EXOC6B: variants seen among roughly 807,000 people sequenced by gnomAD.
EXOC6B encodes SEC15 homolog B.
In EXOC6B, 54 loss-of-function variants were observed where a neutral mutation model predicts 113.5. The ratio of observed to expected loss-of-function variants is 0.48; its 90% confidence interval spans 0.38 to 0.60. The LOEUF is 0.60. Among genes scored for constraint, EXOC6B ranks in the 20% least tolerant of loss-of-function variants. The pLI, the probability that EXOC6B is intolerant of heterozygous loss-of-function variation, is 0.00. For synonymous variants in EXOC6B, 357 were observed against 339.0 expected (o/e 1.05, Z -0.58); for missense variants, 797 against 977.5 (o/e 0.82, Z 2.46).
intron 20 of EXOC6B, among the ~76,000 whole-genome samples, chr2:72,281,264 T>C (rs1558517956): frequency 6.6e-6 from 1 of 152,082 alleles, no homozygotes. Context: ...ATAGAATGAA[T>C]CTCTCTAGAA....
intron 20 of EXOC6B, among the ~76,000 whole-genome samples, chr2:72,255,600 C>G (rs1357581055): frequency 6.6e-6 from 1 of 152,180 alleles, no homozygotes; most frequent in Non-Finnish European, 1.5e-5. Flanking sequence ...ATGAAAATGT[C>G]TATTGTATCC....
At chr2:72,292,913 A>C (rs1421432516) in intron 20 of EXOC6B, among the ~76,000 whole-genome samples, 1 of 152,078 alleles carries the variant, frequency 6.6e-6, no homozygotes, top group African/African-American at 2.4e-5. Flanking sequence ...GATGGGCCAC[A>C]GTTTGTTTAT....
At chr2:72,209,516 A>G (rs1243574724) in intron 20 of EXOC6B, among the ~76,000 whole-genome samples, 2 of 152,090 alleles carry the variant, frequency 1.3e-5, no homozygotes, top group African/African-American at 4.8e-5. Context: ...CTTGTCTCCA[A>G]AAATTTTTTT....
At chr2:72,238,947 G>A (rs902621224) in intron 20 of EXOC6B, among the ~76,000 whole-genome samples, 6 of 152,140 alleles carry the variant, frequency 3.9e-5, no homozygotes, top group Non-Finnish European at 8.8e-5. Context: ...TGCCCCGGCT[G>A]GAGTGCAGTG....
At chr2:72,639,064 G>A (rs1673050321) in intron 6 of EXOC6B, among the ~76,000 whole-genome samples, 1 of 152,130 alleles carries the variant, frequency 6.6e-6, no homozygotes. Flanking sequence ...CTATCTCACA[G>A]TCTCCCTCCC....
At chr2:72,256,311 T>A (rs1278157704) in intron 20 of EXOC6B, among the ~76,000 whole-genome samples, 1 of 152,186 alleles carries the variant, frequency 6.6e-6, no homozygotes, top group East Asian at 1.9e-4. Flanking sequence ...TATGGGTAAT[T>A]TGTTATGGCA....
chr2:72,523,490 G>C (rs1701593650), intron 8 of EXOC6B, among the ~76,000 whole-genome samples: 1 of 151,930 alleles, frequency 6.6e-6, no homozygotes, highest in Non-Finnish European at 1.5e-5. Context: ...TCTTCATTAA[G>C]ATTTACGGCT....
intron 6 of EXOC6B, among the ~76,000 whole-genome samples, chr2:72,609,247 T>C (rs1670922545): frequency 6.6e-6 from 1 of 151,784 alleles, no homozygotes; most frequent in African/African-American, 2.4e-5. Flanking sequence ...CAAACAGCAA[T>C]AGAGTCAGAC....
At chr2:72,621,295 A>G (rs1671729280) in intron 6 of EXOC6B, among the ~76,000 whole-genome samples, 1 of 152,164 alleles carries the variant, frequency 6.6e-6, no homozygotes, top group African/African-American at 2.4e-5. Flanking sequence ...AAAATGTGGT[A>G]TATATATATC....
At chr2:72,303,293 T>A (rs988638156) in intron 20 of EXOC6B, among the ~76,000 whole-genome samples, 1 of 152,110 alleles carries the variant, frequency 6.6e-6, no homozygotes, top group East Asian at 1.9e-4. Context: ...CATAGTGAGG[T>A]TTGGGGAGTT....
At chr2:72,282,206 AAT>A (rs1306457685) in intron 20 of EXOC6B, among the ~76,000 whole-genome samples, 1 of 152,154 alleles carries the variant, frequency 6.6e-6, no homozygotes, top group Non-Finnish European at 1.5e-5. Flanking sequence ...CATGTAAATA[AAT>A]ATTGTCCATA....
At chr2:72,334,803 G>A (rs1688595128) in intron 20 of EXOC6B, 144 bp downstream of exon 20, 5 of 450,346 alleles carry the variant, frequency 1.1e-5, no homozygotes, top group Non-Finnish European at 1.5e-5. Context: ...TAAAAGAGGT[G>A]GCCTCAAATA....
intron 1 of EXOC6B, among the ~76,000 whole-genome samples, chr2:72,776,080 AT>A (rs1290548424): frequency 5.9e-5 from 9 of 152,208 alleles, no homozygotes; most frequent in Non-Finnish European, 1.3e-4. Flanking sequence ...ATAAAAACAT[AT>A]AGAGATAAAT....
chr2:72,447,468 T>A (rs1573140487), intron 18 of EXOC6B, among the ~76,000 whole-genome samples: 1 of 152,258 alleles, frequency 6.6e-6, no homozygotes, highest in East Asian at 1.9e-4. Context: ...TCTTCACACT[T>A]CTATACCAAA....
At chr2:72,489,022 C>T (rs1263438360) in intron 16 of EXOC6B, among the ~76,000 whole-genome samples, 8 of 152,176 alleles carry the variant, frequency 5.3e-5, no homozygotes, top group Admixed American at 5.2e-4. Context: ...CCTCAACTTG[C>T]CAAGAACTTT....
chr2:72,771,790 C>T (rs544261999), intron 1 of EXOC6B, among the ~76,000 whole-genome samples: 4 of 152,038 alleles, frequency 2.6e-5, no homozygotes, highest in Non-Finnish European at 5.9e-5. Context: ...GCCTGGGCAA[C>T]ATGGTGAGAC....
intron 20 of EXOC6B, among the ~76,000 whole-genome samples, chr2:72,300,019 G>A (rs948726949): frequency 6.6e-6 from 1 of 152,160 alleles, no homozygotes; most frequent in Non-Finnish European, 1.5e-5. Flanking sequence ...ACTTGATGAG[G>A]CAGTCTGTCC....
intron 20 of EXOC6B, among the ~76,000 whole-genome samples, chr2:72,195,007 A>G (rs1240786921): frequency 1.3e-5 from 2 of 152,198 alleles, no homozygotes; most frequent in South Asian, 2.1e-4. Context: ...TGGAAGCTTC[A>G]TTAAGTTCTT....
intron 17 of EXOC6B, among the ~76,000 whole-genome samples, chr2:72,469,578 A>T (rs1258283619): frequency 6.6e-6 from 1 of 152,034 alleles, no homozygotes; most frequent in African/African-American, 2.4e-5. Flanking sequence ...TTTAATCTCC[A>T]AATAATTTGA....
Sources: allele counts gnomAD v4.1 joint callset (sites outside exome capture counted in the v4.1 genomes callset), GRCh38; gene constraint gnomAD v4.1.1; transcripts MANE v1.5; gene names NCBI Gene and HGNC (gene_info 2026-07-23, HGNC 2026-07-21).